PLCH2: variants seen among roughly 807,000 people sequenced by gnomAD.
PLCH2 encodes phospholipase C eta 2, also known as 1-phosphatidylinositol 4,5-bisphosphate phosphodiesterase eta-2.
A neutral mutation model predicts 134.7 loss-of-function variants in PLCH2; 98 were observed. That is an observed-to-expected ratio of 0.73 (90% confidence interval 0.62 to 0.86). The LOEUF is 0.86. PLCH2 is among the 40% of genes least tolerant of loss of function. PLCH2 has a pLI of 0.00. For missense variants in PLCH2, 1,994 were observed against 1,986.6 expected, an observed-to-expected ratio of 1.00 and a Z score of -0.07; for synonymous variants, 974 against 827.5, an observed-to-expected ratio of 1.18 and a Z score of -3.04.
At chr1:2,457,913 C>G (rs183472420) in intron 2 of PLCH2, among the ~76,000 whole-genome samples, 17 of 150,768 alleles carry the variant, frequency 1.1e-4, no homozygotes, top group Admixed American at 5.3e-4. Context: ...GCCAGCATAG[C>G]ACTGATGGCC....
At chr1:2,503,404 G>A (rs1416634718) in intron 21 of PLCH2, 10 of 590,256 alleles carry the variant, frequency 1.7e-5, no homozygotes, top group Middle Eastern at 3.8e-4. Context: ...CGTCTCCTGC[G>A]CCCCTGGGAC....
rs760196903 is a variant in PLCH2 at position 2,484,544 on chromosome 1, A to G, written c.742A>G (p.Met248Val). The G allele has an allele frequency of 6.2e-7, 1 of 1,613,222 alleles. No homozygotes were observed. Among genetic ancestry groups the G allele is most frequent in the Non-Finnish European group, 8.5e-7 (1 of 1,179,802 alleles). The change falls in exon 5 of 22, where the codon ATG becomes GTG. Residue 248 changes from methionine to valine, a missense_variant. Coordinates refer to ENST00000378486, the MANE Select transcript of PLCH2 (RefSeq NM_014638.4). ...MSTRRDLYLL[M>V]LTYSNHKDHL... ...CACCCGCCGGGACCTCTACCTGCTC[A>G]TGCTGACCTACAGCAACCACAAGGA...
In PLCH2 at chr1:2,459,378, C is replaced by CGGTGGTCCTCCTTCCT. The variant is rs1640661552; in HGVS notation, c.116-19091_116-19076dup. Among the ~76,000 whole-genome samples, 14 of 129,706 alleles carry CGGTGGTCCTCCTTCCT rather than the reference C, an allele frequency of 1.1e-4. 1 individual carries two copies. Among genetic ancestry groups the CGGTGGTCCTCCTTCCT allele is most frequent in the African/African-American group, 3.4e-4 (11 of 32,312 alleles). 85.1% of individuals were successfully genotyped at this position (129,706 alleles called of 152,430 possible). ...TCTCCTTCCTGGTGGTCCTCCTTGC[C>CGGTGGTCCTCCTTCCT]GGTGGTCCTCCTTCCTGGTGGTTCT... On this transcript the variant is annotated intron_variant, in intron 2 of 3. Transcript: ENST00000609981.
chr1:2,452,290 G>C (rs536518467), intron 2 of PLCH2, among the ~76,000 whole-genome samples: 1 of 152,160 alleles, frequency 6.6e-6, no homozygotes, highest in Non-Finnish European at 1.5e-5. Flanking sequence ...TCCCCCTGCC[G>C]CCCCCCATCC....
intron 2 of PLCH2, among the ~76,000 whole-genome samples, chr1:2,454,353 A>T (rs933435556): frequency 6.6e-6 from 1 of 152,158 alleles, no homozygotes; most frequent in Non-Finnish European, 1.5e-5. Context: ...CTGCCTCTGC[A>T]GGACCCTTGG....
intron 10 of PLCH2, 37 bp downstream of exon 10, chr1:2,489,904 C>T: frequency 7.1e-7 from 1 of 1,402,642 alleles, no homozygotes; most frequent in Non-Finnish European, 1.0e-6. Flanking sequence ...GCGCGTGGAG[C>T]CTGCAGTTCC....
chr1:2,467,519 G>C, exon 1 of PLCH2: 1 of 397,926 alleles, frequency 2.5e-6, no homozygotes, highest in Non-Finnish European at 4.4e-6. Context: ...CTGCGCGCGG[G>C]GTGCCCCTGC....
chr1:2,443,899 C>T (rs1639813434), intron 2 of PLCH2, among the ~76,000 whole-genome samples: 1 of 151,340 alleles, frequency 6.6e-6, no homozygotes, highest in Admixed American at 6.6e-5. Context: ...CAGCCCCCGC[C>T]CCCGCCGCCC....
In PLCH2 at chr1:2,504,863, G is replaced by C. The variant is rs780968170; in HGVS notation, c.3901G>C (p.Glu1301Gln). 21 of 1,597,890 alleles carry C rather than the reference G, an allele frequency of 1.3e-5. No individual in the cohort carries two copies. Among genetic ancestry groups the C allele is most frequent in the African/African-American group, 2.7e-5 (2 of 74,706 alleles). The change falls in exon 22 of 22, where the codon GAG becomes CAG. Residue 1301 changes from glutamate (E) to glutamine (Q), a missense_variant. Coordinates refer to ENST00000378486, the MANE Select transcript of PLCH2 (RefSeq NM_014638.4). ...AGGGGTGAGACGGGACACCCTGACAGAGCAGCTGCGCTGGCTCACTGTCTT... is the reference window on the plus strand; with the variant it reads ...AGGGGTGAGACGGGACACCCTGACACAGCAGCTGCGCTGGCTCACTGTCTT... ...GPGVRRDTLT[E>Q]QLRWLTVFQQ...
upstream of PLCH2, among the ~76,000 whole-genome samples, chr1:2,421,143 C>A (rs1203762547): frequency 6.6e-6 from 1 of 152,134 alleles, no homozygotes; most frequent in East Asian, 1.9e-4. Context: ...CGGAATTTCA[C>A]CACGTTGGCC....
At chr1:2,487,870 AGGAGAGAGGGGCAG>A (rs1285536022) in intron 8 of PLCH2, among the ~76,000 whole-genome samples, 152 bp downstream of exon 8, 2 of 152,164 alleles carry the variant, frequency 1.3e-5, no homozygotes, top group African/African-American at 2.4e-5. Flanking sequence ...TCTCTGGTTG[AGGAGAGAGGGGCAG>A]GGAGAGAGTA....
Position 2,459,503 on chromosome 1 carries a change from T to TG in PLCH2, c.116-18973_116-18972insG, listed in dbSNP as rs1640686381. On this transcript the variant is annotated intron_variant, in intron 2 of 3. Transcript: ENST00000609981. ...GGTCCTCCTTCCTGGTGGTCCTCCT[T>TG]CCTGGTGGTCCTCCTTCCTGGTGGT... Among the ~76,000 whole-genome samples, 11 of 83,298 alleles carry TG rather than the reference T, an allele frequency of 1.3e-4. 1 individual carries two copies. In the South Asian group the frequency reaches 1.5e-3, roughly 11 times the overall value. 54.6% of individuals were successfully genotyped at this position (83,298 alleles called of 152,430 possible). A position where few individuals can be genotyped will look rare whatever the true frequency, so the allele number is the denominator to read the frequency against.
At chr1:2,494,764 G>A in intron 11 of PLCH2, 92 bp from the exon 12 acceptor site, 1 of 859,024 alleles carries the variant, frequency 1.2e-6, no homozygotes, top group Non-Finnish European at 1.9e-6. Context: ...CCTCTTCCAG[G>A]AAGGCCTTCT....
At position 2,497,016 on chromosome 1, in the gene PLCH2, T is replaced by C. The variant is rs762747791; in HGVS notation, c.2116+6T>C. On this transcript the variant is annotated splice_donor_region_variant and intron_variant, in intron 15 of 21. Transcript: ENST00000378486. ...GAACGCCGGCTGCCAAATGGGTGGG[T>C]GCGGGCATGGTGCGCTGGGTGTGGT... The C allele has an allele frequency of 1.2e-6, 2 of 1,611,560 alleles. No individual in the cohort carries two copies. The highest frequency in any genetic ancestry group is 8.5e-7 in the Non-Finnish European group (1 of 1,179,134).
intron 20 of PLCH2, 96 bp from the exon 21 acceptor site, chr1:2,502,016 A>C: frequency 8.7e-7 from 1 of 1,145,672 alleles, no homozygotes; most frequent in Non-Finnish European, 1.2e-6. Flanking sequence ...CACGCATGGC[A>C]CGTCTGTGGC....
At chr1:2,442,960 CAG>C (rs370137614) in intron 2 of PLCH2, among the ~76,000 whole-genome samples, 3 of 152,234 alleles carry the variant, frequency 2.0e-5, no homozygotes, top group African/African-American at 7.2e-5. Flanking sequence ...TGCCTGGAAA[CAG>C]AGAAGCCTGG....
At chr1:2,485,571 G>A (rs1558007871) in intron 5 of PLCH2, among the ~76,000 whole-genome samples, 2 of 151,374 alleles carry the variant, frequency 1.3e-5, no homozygotes, top group African/African-American at 4.9e-5. Context: ...GTGCTGCTTA[G>A]GGACCTCCAC....
chr1:2,422,978 T>A (rs930552103), upstream of PLCH2, among the ~76,000 whole-genome samples: 3 of 152,220 alleles, frequency 2.0e-5, no homozygotes, highest in African/African-American at 7.2e-5. Flanking sequence ...TTAAATATTA[T>A]CCCAAAATCA....
At chr1:2,427,768 C>G (rs896273782) in intron 1 of PLCH2, among the ~76,000 whole-genome samples, 2 of 152,018 alleles carry the variant, frequency 1.3e-5, no homozygotes, top group South Asian at 2.1e-4. Context: ...AAGCAGCCGG[C>G]GAGCCCTCCA....
Sources: allele counts gnomAD v4.1 joint callset (sites outside exome capture counted in the v4.1 genomes callset), GRCh38; gene constraint gnomAD v4.1.1; transcripts MANE v1.5; gene names NCBI Gene and HGNC (gene_info 2026-07-23, HGNC 2026-07-21).